The following ZFPM1 variants were observed in gnomAD, a reference collection of about 807,000 sequenced individuals.
The protein encoded by ZFPM1 is zinc finger protein, FOG family member 1.
ZFPM1 carries 28 observed loss-of-function variants against 46.3 expected under a neutral mutation model. The observed-to-expected ratio is 0.60, with a 90% CI of 0.45 to 0.83. The LOEUF (loss-of-function observed/expected upper bound fraction) is 0.83, where lower values mean the gene tolerates loss of function less well. Ranked by LOEUF, ZFPM1 falls within the 40% of genes least tolerant of loss-of-function variation. The pLI, the probability that ZFPM1 is intolerant of heterozygous loss-of-function variation, is 0.00. For missense variants in ZFPM1, 1,878 were observed against 1,432.4 expected (o/e 1.31, Z -5.02); for synonymous variants, 957 against 675.9 (o/e 1.42, Z -6.45).
chr16:88,523,496 C>A (rs1054027015), intron 4 of ZFPM1, among the ~76,000 whole-genome samples: 1 of 152,214 alleles, frequency 6.6e-6, no homozygotes. Flanking sequence ...TTCAGGGGTC[C>A]GGCCACTTGG....
chr16:88,532,386 C>T lies in ZFPM1; in HGVS notation c.946+151C>T. On this transcript the variant is annotated intron_variant, in intron 7 of 9. Transcript: ENST00000319555. The stretch of plus-strand genomic sequence containing the variant: ...GCACACCCAGGGCCCCCGCAGGGGC[C>T]CAGAGCAGGCAGGCCGGACTGTGGG... 4.2e-6 allele frequency: 4 copies of T among 944,278 alleles called. No individual in the cohort carries two copies. In the South Asian group the frequency reaches 5.2e-5, roughly 12 times the overall value. The allele number at this position is 944,278 out of a possible 1,614,324, so 58.5% of individuals were successfully genotyped here.
rs1334671247 is a variant in ZFPM1, at chr16:88,534,989, C to T, written c.*10C>T. 4.3e-6 allele frequency: 6 copies of T among 1,403,472 alleles called. No individual in the cohort carries two copies. Among genetic ancestry groups the T allele is most frequent in the Non-Finnish European group, 4.7e-6 (5 of 1,064,474 alleles). 86.9% of individuals were successfully genotyped at this position (1,403,472 alleles called of 1,614,324 possible). A position where few individuals can be genotyped will look rare whatever the true frequency, so the allele number is the denominator to read the frequency against. ...CGAGCACGTGAAGTGAGCGCCCACA[C>T]TACAGCCGCAGACGCTTTGCACGCC... On this transcript the variant is annotated 3_prime_UTR_variant, in exon 10 of 10. Coordinates refer to ENST00000319555, the MANE Select transcript of ZFPM1 (RefSeq NM_153813.3).
At chr16:88,489,385 G>A (rs1277911733) in intron 3 of ZFPM1, 7 of 559,038 alleles carry the variant, frequency 1.3e-5, no homozygotes, top group Non-Finnish European at 1.8e-5. Flanking sequence ...GGAAGCGCTG[G>A]GGGGTTCCCT....
chr16:88,533,008 C>T, intron 9 of ZFPM1, 73 bp downstream of exon 9: 1 of 1,584,536 alleles, frequency 6.3e-7, no homozygotes. Flanking sequence ...GGCTTGTCGC[C>T]CAAGACAGGT....
chr16:88,456,874 G>T (rs761031504), intron 1 of ZFPM1, among the ~76,000 whole-genome samples: 1 of 152,194 alleles, frequency 6.6e-6, no homozygotes, highest in East Asian at 1.9e-4. Context: ...AGGGCCCATG[G>T]ATCCCACAGG....
At position 88,534,687 on chromosome 16, in the gene ZFPM1, C is replaced by A. The variant is rs1913143154; in HGVS notation, c.2729C>A (p.Pro910Gln). The A allele has an allele frequency of 3.0e-6, 3 of 989,420 alleles. No homozygotes were observed. The allele number at this position is 989,420 out of a possible 1,614,324, so 61.3% of individuals were successfully genotyped here. Residue 910 changes from proline (P) to glutamine (Q), a missense_variant, in exon 10 of 10, where the codon CCG becomes CAG. Coordinates refer to ENST00000319555, the MANE Select transcript of ZFPM1 (RefSeq NM_153813.3). ...PSPAPAPAAS[P>Q]QPGSRGPRDG... ...CCCGCTCCCGCCCCCGCCGCCTCCC[C>A]GCAGCCCGGGTCCCGTGGCCCCCGG...
intron 4 of ZFPM1, among the ~76,000 whole-genome samples, chr16:88,516,935 G>A (rs1911337722): frequency 6.6e-6 from 1 of 152,154 alleles, no homozygotes. Flanking sequence ...TCTGGACATG[G>A]GGGGCGGGCA....
At chr16:88,492,867 C>T (rs541601502) in intron 3 of ZFPM1, among the ~76,000 whole-genome samples, 1 of 152,332 alleles carries the variant, frequency 6.6e-6, no homozygotes, top group South Asian at 2.1e-4. Flanking sequence ...AGGCCCCCAA[C>T]ACCCGCTGCA....
At chr16:88,463,747 C>T (rs533343938) in intron 1 of ZFPM1, among the ~76,000 whole-genome samples, 1 of 152,362 alleles carries the variant, frequency 6.6e-6, no homozygotes, top group African/African-American at 2.4e-5. Context: ...CCTTTCCCTG[C>T]TCCCGCTGGG....
In ZFPM1 at chr16:88,475,389, C is replaced by T. The variant is rs980384403; in HGVS notation, c.41-10550C>T. Among the ~76,000 whole-genome samples, 11 of 152,136 alleles carry T rather than the reference C, an allele frequency of 7.2e-5. 1 individual carries two copies. The highest frequency in any genetic ancestry group is 7.2e-4 in the Admixed American group (11 of 15,280). On this transcript the variant is annotated intron_variant, in intron 1 of 9. Coordinates refer to ENST00000319555, the MANE Select transcript of ZFPM1 (RefSeq NM_153813.3). The stretch of plus-strand genomic sequence containing the variant: ...AGGGCCTCGCTGAGCTGTGATCCTC[C>T]TATGACGTGGAGCCAGGAGGAGAAA...
chr16:88,532,202 A>G lies in ZFPM1; in HGVS notation c.913A>G (p.Ser305Gly). The G allele has an allele frequency of 6.2e-7, 1 of 1,608,844 alleles. No homozygotes were observed. The highest frequency in any genetic ancestry group is 8.5e-7 in the Non-Finnish European group (1 of 1,177,108). The change falls in exon 7 of 10, where the codon AGC becomes GGC. Residue 305 changes from serine (S) to glycine (G), a missense_variant. By Grantham distance (56) the Ser-to-Gly change is moderately conservative. Transcript: ENST00000319555. ...PQCRKSCPSA[S>G]SLEIHMRSHS... ...GTGCCGCAAGAGCTGCCCCAGCGCCAGCTCCCTGGAGATCCACATGCGCAG... is the reference window on the plus strand; with the variant it reads ...GTGCCGCAAGAGCTGCCCCAGCGCCGGCTCCCTGGAGATCCACATGCGCAG...
intron 3 of ZFPM1, among the ~76,000 whole-genome samples, chr16:88,507,179 C>T (rs1474936216): frequency 6.6e-6 from 1 of 152,158 alleles, no homozygotes; most frequent in East Asian, 1.9e-4. Context: ...GCTCGACTCT[C>T]CCATGCCACT....
intron 4 of ZFPM1, among the ~76,000 whole-genome samples, chr16:88,515,082 G>A (rs914868544): frequency 6.6e-6 from 1 of 152,220 alleles, no homozygotes; most frequent in Non-Finnish European, 1.5e-5. Flanking sequence ...GTACTTCTGG[G>A]GCTACCTCCA....
At chr16:88,463,226 G>A (rs1316162550) in intron 1 of ZFPM1, among the ~76,000 whole-genome samples, 2 of 152,238 alleles carry the variant, frequency 1.3e-5, no homozygotes, top group East Asian at 3.8e-4. Context: ...GTCCTCCGGG[G>A]ACAGGGGACA....
Position 88,501,930 on chromosome 16 carries a change from C to G in ZFPM1, c.269-12457C>G, listed in dbSNP as rs576389700. 1.8e-3 allele frequency among the ~76,000 whole-genome samples: 267 copies of G among 152,226 alleles called. 1 individual carries two copies. Among genetic ancestry groups the G allele is most frequent in the African/African-American group, 6.0e-3 (250 of 41,524 alleles). ...TGAGCAAACTGAGGCCCAGTGAGTTCACGTGGTTCATCCGAGGTGGAGACC... is the reference window on the plus strand; with the variant it reads ...TGAGCAAACTGAGGCCCAGTGAGTTGACGTGGTTCATCCGAGGTGGAGACC... On this transcript the variant is annotated intron_variant, in intron 3 of 9. Transcript: ENST00000319555.
intron 4 of ZFPM1, among the ~76,000 whole-genome samples, chr16:88,519,963 A>C (rs1241474009): frequency 7.3e-6 from 1 of 137,708 alleles, no homozygotes; most frequent in African/African-American, 2.8e-5. Flanking sequence ...GGATGGATGG[A>C]TGGATGGATA....
chr16:88,479,625 C>T (rs1412388378), intron 1 of ZFPM1, among the ~76,000 whole-genome samples: 1 of 152,084 alleles, frequency 6.6e-6, no homozygotes, highest in Admixed American at 6.5e-5. Context: ...TATTTTCTGT[C>T]TGTTATCAGG....
chr16:88,460,074 T>G (rs1907748693), intron 1 of ZFPM1, among the ~76,000 whole-genome samples: 2 of 151,838 alleles, frequency 1.3e-5, no homozygotes. Flanking sequence ...CTGTGTGGCC[T>G]TGGCATACTC....
chr16:88,493,155 GGGTGAGGAGA>G, intron 3 of ZFPM1, among the ~76,000 whole-genome samples: 1 of 109,888 alleles, frequency 9.1e-6, no homozygotes. Context: ...AGCTGTCCCG[GGGTGAGGAGA>G]GCTGTCCCGG....
Sources: allele counts gnomAD v4.1 joint callset (sites outside exome capture counted in the v4.1 genomes callset), GRCh38; gene constraint gnomAD v4.1.1; transcripts MANE v1.5; gene names NCBI Gene and HGNC (gene_info 2026-07-23, HGNC 2026-07-21).